Variants in TSHZ2 observed in about 807,000 individuals in gnomAD.
TSHZ2 encodes the protein teashirt homolog 2.
In TSHZ2, 21 loss-of-function variants were observed where a neutral mutation model predicts 74.4. The observed-to-expected ratio is 0.28, with a 90% CI of 0.20 to 0.41. TSHZ2 has a LOEUF of 0.41. Among genes scored for constraint, TSHZ2 ranks in the 10% least tolerant of loss-of-function variants. TSHZ2 has a pLI of 1.00. For missense variants in TSHZ2, 1,244 were observed against 1,293.5 expected (o/e 0.96, Z 0.59); for synonymous variants, 540 against 515.3 (o/e 1.05, Z -0.65).
chr20:53,266,847 G>A (rs1014180350), intron 2 of TSHZ2, among the ~76,000 whole-genome samples: 7 of 148,022 alleles, frequency 4.7e-5, no homozygotes, highest in Non-Finnish European at 1.0e-4. Context: ...GCACGATCTC[G>A]GCTCACTGCA....
chr20:53,379,724 T>A (rs1981790069), intron 2 of TSHZ2, among the ~76,000 whole-genome samples: 1 of 152,170 alleles, frequency 6.6e-6, no homozygotes, highest in Non-Finnish European at 1.5e-5. Context: ...AAGGGACACC[T>A]TTGACACCAT....
In TSHZ2 at chr20:53,177,813, G is replaced by A. The variant is rs540356120; in HGVS notation, c.41-75686G>A. On this transcript the variant is annotated intron_variant, in intron 1 of 2. Coordinates refer to ENST00000371497, the MANE Select transcript of TSHZ2 (RefSeq NM_173485.6). Reference sequence around the variant, plus strand: ...TGCTCTCCCTACAGTGCCCAAGGTAGGACTTGATCCCAATGTTGAGAGGAG... The same window carrying A: ...TGCTCTCCCTACAGTGCCCAAGGTAAGACTTGATCCCAATGTTGAGAGGAG... Among the ~76,000 whole-genome samples, 29 of 152,254 alleles carry A rather than the reference G, an allele frequency of 1.9e-4. 1 individual carries two copies. The East Asian group carries it at 5.6e-3, about 29-fold the overall frequency.
chr20:53,186,706 T>G (rs1008512127), intron 1 of TSHZ2, among the ~76,000 whole-genome samples: 1 of 152,140 alleles, frequency 6.6e-6, no homozygotes, highest in Non-Finnish European at 1.5e-5. Flanking sequence ...GCCTTTGCTT[T>G]GAGTCTTTTA....
chr20:53,417,415 G>A (rs989984427), intron 2 of TSHZ2, among the ~76,000 whole-genome samples: 3 of 152,094 alleles, frequency 2.0e-5, no homozygotes, highest in African/African-American at 7.2e-5. Flanking sequence ...TCCTGCCGCA[G>A]CCTCCCAGGT....
chr20:53,295,079 T>A (rs1991350845), intron 2 of TSHZ2, among the ~76,000 whole-genome samples: 1 of 152,232 alleles, frequency 6.6e-6, no homozygotes, highest in Admixed American at 6.5e-5. Flanking sequence ...AGTCATTGGT[T>A]TTTAATTTTG....
chr20:53,217,326 T>TC (rs1281374472), intron 1 of TSHZ2, among the ~76,000 whole-genome samples: 1 of 152,140 alleles, frequency 6.6e-6, no homozygotes, highest in Admixed American at 6.5e-5. Flanking sequence ...GGGCCTGGCC[T>TC]CACCCGACAG....
intron 1 of TSHZ2, among the ~76,000 whole-genome samples, chr20:52,989,367 T>C (rs1277195221): frequency 1.3e-5 from 2 of 152,204 alleles, no homozygotes; most frequent in African/African-American, 4.8e-5. Flanking sequence ...TGTTTTATTG[T>C]CTTTAACATT....
chr20:53,110,953 T>C (rs1234386066), intron 1 of TSHZ2, among the ~76,000 whole-genome samples: 1 of 152,094 alleles, frequency 6.6e-6, no homozygotes. Context: ...AGGCAAGAGA[T>C]GACATGTAGA....
intron 1 of TSHZ2, among the ~76,000 whole-genome samples, chr20:53,201,134 A>G (rs759612282): frequency 1.3e-5 from 2 of 151,892 alleles, no homozygotes; most frequent in Non-Finnish European, 2.9e-5. Context: ...GAAATTATCA[A>G]AGAGTTCTGA....
At chr20:53,383,810 G>A (rs892021478) in intron 2 of TSHZ2, among the ~76,000 whole-genome samples, 45 of 151,980 alleles carry the variant, frequency 3.0e-4, no homozygotes, top group South Asian at 2.1e-4. Flanking sequence ...AAAAAAGCCC[G>A]GTTTCCATTT....
chr20:53,233,102 C>A (rs1989866337), intron 1 of TSHZ2, among the ~76,000 whole-genome samples: 1 of 149,938 alleles, frequency 6.7e-6, no homozygotes, highest in Admixed American at 6.6e-5. Context: ...TAGCTTCCAA[C>A]TGCCCCCTGG....
intron 1 of TSHZ2, among the ~76,000 whole-genome samples, chr20:52,992,776 T>C (rs1439165874): frequency 6.6e-6 from 1 of 152,202 alleles, no homozygotes; most frequent in Non-Finnish European, 1.5e-5. Context: ...AGTTTTATCA[T>C]CTTGTGACTA....
At chr20:53,273,138 A>G (rs942377309) in intron 2 of TSHZ2, among the ~76,000 whole-genome samples, 2 of 152,248 alleles carry the variant, frequency 1.3e-5, no homozygotes, top group East Asian at 1.9e-4. Context: ...TGGGATGAGC[A>G]TGGGACAACT....
intron 2 of TSHZ2, among the ~76,000 whole-genome samples, chr20:53,321,993 G>A (rs1979288985): frequency 1.3e-5 from 2 of 152,186 alleles, no homozygotes; most frequent in Non-Finnish European, 2.9e-5. Context: ...ACAGAGACAG[G>A]TGGTAAAAGG....
chr20:53,339,371 T>C (rs1322304330), intron 2 of TSHZ2, among the ~76,000 whole-genome samples: 1 of 152,058 alleles, frequency 6.6e-6, no homozygotes, highest in Admixed American at 6.5e-5. Flanking sequence ...CAAGCTCTCA[T>C]AGTATTTTCT....
intron 1 of TSHZ2, among the ~76,000 whole-genome samples, chr20:53,123,649 C>G (rs117656030): frequency 3.9e-5 from 6 of 152,028 alleles, no homozygotes; most frequent in Non-Finnish European, 8.8e-5. Context: ...ATGGCACAGT[C>G]AAGCCTACAG....
intron 2 of TSHZ2, among the ~76,000 whole-genome samples, chr20:53,278,566 G>T (rs1990990284): frequency 6.6e-6 from 1 of 152,102 alleles, no homozygotes; most frequent in Admixed American, 6.5e-5. Context: ...GTACAGAACT[G>T]CCAGACTAAG....
At chr20:53,042,650 A>G (rs945268118) in intron 1 of TSHZ2, among the ~76,000 whole-genome samples, 1 of 151,564 alleles carries the variant, frequency 6.6e-6, no homozygotes, top group African/African-American at 2.4e-5. Context: ...CCTCAGAACA[A>G]CTGACATTTA....
At chr20:53,094,647 G>A (rs986684050) in intron 1 of TSHZ2, among the ~76,000 whole-genome samples, 6 of 152,300 alleles carry the variant, frequency 3.9e-5, no homozygotes, top group African/African-American at 9.6e-5. Context: ...TCCACACAGC[G>A]TGCTGAGAGT....
Sources: gnomAD v4.1 joint callset for allele counts (sites outside exome capture counted in the v4.1 genomes callset) on GRCh38, gnomAD v4.1.1 for gene constraint, MANE v1.5 for transcripts, NCBI Gene and HGNC (gene_info 2026-07-23, HGNC 2026-07-21) for gene names.